Variants in ZC3H12B observed in about 807,000 individuals in gnomAD.
ZC3H12B encodes zinc finger CCCH-type containing 12B.
Under a neutral mutation model 43.9 loss-of-function variants are expected in ZC3H12B, and 7 were observed. The ratio of observed to expected loss-of-function variants is 0.16; its 90% CI spans 0.09 to 0.30. The LOEUF is 0.30. Ranked by LOEUF, ZC3H12B falls within the 10% of genes least tolerant of loss-of-function variation. ZC3H12B has a pLI of 1.00. For missense variants in ZC3H12B, 475 were observed against 670.2 expected (o/e 0.71, Z 3.22); for synonymous variants, 222 against 241.7 (o/e 0.92, Z 0.76).
At chrX:65,102,856 C>G in the ZC3H12B span, among the ~76,000 whole-genome samples, 437 of 111,413 alleles carry the variant, frequency 3.9e-3, 3 homozygotes, top group African/African-American at 0.013. Context: ...CCCTGAACCG[C>G]AAACCCAGCA....
At chrX:65,278,962 C>T in the ZC3H12B span, among the ~76,000 whole-genome samples, 8 of 111,368 alleles carry the variant, frequency 7.2e-5, no homozygotes, top group East Asian at 1.1e-3. Context: ...TCCATGTTCC[C>T]GCAAAAGACA....
At chrX:65,159,295 T>A in the ZC3H12B span, among the ~76,000 whole-genome samples, 1 of 112,030 alleles carries the variant, frequency 8.9e-6, no homozygotes, top group Non-Finnish European at 1.9e-5. Flanking sequence ...TTTTTTCCAA[T>A]TCTGTGAAGA....
intron 2 of ZC3H12B, among the ~76,000 whole-genome samples, chrX:65,375,672 AT>A (rs748768722): frequency 4.5e-5 from 5 of 111,027 alleles, no homozygotes; most frequent in African/African-American, 6.6e-5. Context: ...CCTGGATGAC[AT>A]TTCTAGATAC....
At position 65,497,116 on chromosome X, in the gene ZC3H12B, T is replaced by A; in HGVS notation, c.609-16T>A. 8.5e-7 allele frequency: 1 copy of A among 1,180,981 alleles called. No individual in the cohort carries two copies. Among genetic ancestry groups the A allele is most frequent in the Non-Finnish European group, 1.1e-6 (1 of 887,358 alleles). On this transcript the variant is annotated splice_polypyrimidine_tract_variant and intron_variant, in intron 1 of 4. Coordinates refer to ENST00000338957, the Ensembl canonical transcript of ZC3H12B. ...TATTATCAATCTTCTCTCCTCTTATTCTGTATCTTCCTAAGCCATGGGAAT... is the reference window on the plus strand; with the variant it reads ...TATTATCAATCTTCTCTCCTCTTATACTGTATCTTCCTAAGCCATGGGAAT...
rs2066180185 is a variant in ZC3H12B at position 65,366,785 on chromosome X, A to C, written n.125+23A>C. On this transcript the variant is annotated intron_variant and non_coding_transcript_variant, in intron 1 of 5. Transcript: ENST00000617377. ...AAGGTAGGTGAGTAGAAGCTCCTCTAGGATACATATCTACATTTGCACTAT... is the reference window on the plus strand; with the variant it reads ...AAGGTAGGTGAGTAGAAGCTCCTCTCGGATACATATCTACATTTGCACTAT... 8.9e-6 allele frequency: 1 copy of C among 112,253 alleles called. No homozygotes were observed. Among genetic ancestry groups the C allele is most frequent in the Non-Finnish European group, 1.9e-5 (1 of 53,230 alleles). The allele number at this position is 112,253 out of a possible 1,213,427, so 9.3% of individuals were successfully genotyped here.
chrX:65,114,892 G>A, the ZC3H12B span, among the ~76,000 whole-genome samples: 2 of 74,820 alleles, frequency 2.7e-5, no homozygotes, highest in Non-Finnish European at 5.0e-5. Context: ...TTCTCTTTCA[G>A]CACTGCGTTA....
chrX:65,435,029 A>G (rs1297712151), intron 3 of ZC3H12B, among the ~76,000 whole-genome samples: 2 of 112,073 alleles, frequency 1.8e-5, no homozygotes, highest in Non-Finnish European at 3.8e-5. Flanking sequence ...CTATTTCTCA[A>G]TCAAAGCCCT....
chrX:65,391,940 AT>A (rs2066622943), intron 2 of ZC3H12B, among the ~76,000 whole-genome samples: 1 of 110,871 alleles, frequency 9.0e-6, no homozygotes, highest in Non-Finnish European at 1.9e-5. Flanking sequence ...TGGTTTTTGT[AT>A]TTTTTGGTGG....
the ZC3H12B span, chrX:65,271,161 A>G: frequency 8.9e-6 from 1 of 112,479 alleles, no homozygotes; most frequent in Non-Finnish European, 1.9e-5. Flanking sequence ...TAAGGCTCCA[A>G]GATATAGAAG....
the ZC3H12B span, among the ~76,000 whole-genome samples, chrX:65,163,669 C>G: frequency 5.2e-4 from 58 of 111,817 alleles, no homozygotes; most frequent in Non-Finnish European, 1.3e-4. Context: ...CAGGTGCCAT[C>G]TGTCACCCCT....
chrX:65,211,766 GTA>G, the ZC3H12B span, among the ~76,000 whole-genome samples: 7 of 75,834 alleles, frequency 9.2e-5, no homozygotes, highest in Admixed American at 1.2e-3. Flanking sequence ...TATATATAAT[GTA>G]TGTTATATAA....
the ZC3H12B span, chrX:65,330,947 T>G: frequency 3.2e-6 from 1 of 307,945 alleles, no homozygotes; most frequent in Non-Finnish European, 6.4e-6. Flanking sequence ...ACACAAGATG[T>G]CTTCTTTCCT....
chrX:65,133,537 C>A, the ZC3H12B span, among the ~76,000 whole-genome samples: 1 of 111,485 alleles, frequency 9.0e-6, no homozygotes, highest in Non-Finnish European at 1.9e-5. Context: ...GGGACATCGA[C>A]CTTGGCTATG....
chrX:65,135,464 T>C, the ZC3H12B span, among the ~76,000 whole-genome samples: 1 of 110,235 alleles, frequency 9.1e-6, no homozygotes, highest in Non-Finnish European at 1.9e-5. Flanking sequence ...TCTTTTTCTT[T>C]GGTTGTTTTC....
chrX:65,354,024 G>T, the ZC3H12B span, among the ~76,000 whole-genome samples: 1 of 111,570 alleles, frequency 9.0e-6, no homozygotes, highest in Non-Finnish European at 1.9e-5. Context: ...GGAAGGGGCG[G>T]TTGTGGGCGC....
chrX:65,430,730 A>G (rs1359036182), intron 3 of ZC3H12B, among the ~76,000 whole-genome samples: 1 of 109,460 alleles, frequency 9.1e-6, no homozygotes, highest in Non-Finnish European at 1.9e-5. Context: ...CATTTTCTTA[A>G]TTCAGTCTAT....
chrX:65,336,187 C>G, the ZC3H12B span, among the ~76,000 whole-genome samples: 2 of 112,639 alleles, frequency 1.8e-5, no homozygotes, highest in East Asian at 2.8e-4. Flanking sequence ...AGGAGATAAA[C>G]AGTGATTTTT....
chrX:65,154,675 C>T, the ZC3H12B span, among the ~76,000 whole-genome samples: 1 of 110,793 alleles, frequency 9.0e-6, no homozygotes, highest in Non-Finnish European at 1.9e-5. Context: ...GATGTGAGAC[C>T]CCCATCTCTA....
the ZC3H12B span, among the ~76,000 whole-genome samples, chrX:65,303,807 C>T: frequency 8.9e-6 from 1 of 112,048 alleles, no homozygotes; most frequent in East Asian, 2.8e-4. Context: ...ATAAAAATTA[C>T]CAAATACATA....
Sources: allele counts gnomAD v4.1 joint callset (sites outside exome capture counted in the v4.1 genomes callset), GRCh38; gene constraint gnomAD v4.1.1; transcripts MANE v1.5; gene names NCBI Gene and HGNC (gene_info 2026-07-23, HGNC 2026-07-21).